The following SGCD variants were observed in gnomAD, a reference collection of about 807,000 sequenced individuals.
SGCD encodes sarcoglycan delta, also known as delta-sarcoglycan.
Under a neutral mutation model 36.6 loss-of-function variants are expected in SGCD, and 18 were observed. The ratio of observed to expected loss-of-function variants is 0.49; its 90% confidence interval spans 0.34 to 0.73. The LOEUF is 0.73. Ranked by LOEUF, SGCD falls within the 30% of genes least tolerant of loss-of-function variation. The pLI is 0.01. For synonymous variants in SGCD, 133 were observed against 130.6 expected, an observed-to-expected ratio of 1.02 and a Z score of -0.12; for missense variants, 387 against 346.7, an observed-to-expected ratio of 1.12 and a Z score of -0.92.
At chr5:156,397,752 A>C (rs1275734811) in intron 3 of SGCD, among the ~76,000 whole-genome samples, 1 of 152,230 alleles carries the variant, frequency 6.6e-6, no homozygotes, top group Admixed American at 6.5e-5. Flanking sequence ...AAAGCAGTAC[A>C]TAAGTCATTG....
chr5:156,653,049 C>A (rs1430912360), intron 7 of SGCD, among the ~76,000 whole-genome samples: 1 of 151,850 alleles, frequency 6.6e-6, no homozygotes, highest in East Asian at 1.9e-4. Flanking sequence ...TATTAACCTG[C>A]AGATTTCTTT....
At chr5:156,648,241 G>C (rs765299924) in intron 7 of SGCD, among the ~76,000 whole-genome samples, 2 of 145,178 alleles carry the variant, frequency 1.4e-5, no homozygotes, top group African/African-American at 2.5e-5. Context: ...CATCATAACT[G>C]TGATGAATTC....
At chr5:155,912,833 G>T (rs946747438) in intron 1 of SGCD, among the ~76,000 whole-genome samples, 1 of 151,044 alleles carries the variant, frequency 6.6e-6, no homozygotes, top group African/African-American at 2.4e-5. Context: ...TATATTTCTA[G>T]TTTTCTTATC....
chr5:156,478,286 T>A (rs929483126), intron 3 of SGCD, among the ~76,000 whole-genome samples: 2 of 152,072 alleles, frequency 1.3e-5, no homozygotes, highest in East Asian at 3.9e-4. Flanking sequence ...CAGCCAGGAG[T>A]TGAGCTCAGC....
chr5:155,884,673 A>T (rs984801837), intron 1 of SGCD, among the ~76,000 whole-genome samples: 1 of 152,196 alleles, frequency 6.6e-6, no homozygotes, highest in African/African-American at 2.4e-5. Flanking sequence ...GATAGGTATG[A>T]ACTCTAGACA....
At chr5:156,285,066 A>T (rs2127674848) in intron 3 of SGCD, among the ~76,000 whole-genome samples, 1 of 152,332 alleles carries the variant, frequency 6.6e-6, no homozygotes, top group South Asian at 2.1e-4. Context: ...GTGAACTCCC[A>T]TTCACAATTG....
chr5:156,296,312 C>T (rs766494705), intron 3 of SGCD, among the ~76,000 whole-genome samples: 5 of 152,134 alleles, frequency 3.3e-5, no homozygotes, highest in Admixed American at 6.6e-5. Context: ...GAACTAGAGA[C>T]GGTGTCAAAG....
At chr5:156,114,261 T>C (rs552299791) in intron 1 of SGCD, among the ~76,000 whole-genome samples, 6 of 152,192 alleles carry the variant, frequency 3.9e-5, no homozygotes, top group African/African-American at 1.4e-4. Context: ...ACAAGGGATA[T>C]ATATGCAAGC....
intron 7 of SGCD, among the ~76,000 whole-genome samples, chr5:156,755,198 A>T (rs1290200752): frequency 6.6e-6 from 1 of 152,166 alleles, no homozygotes; most frequent in Non-Finnish European, 1.5e-5. Flanking sequence ...AAAACGGAGA[A>T]GTTCTGAGTT....
At chr5:156,576,252 A>T (rs1282466992) in intron 4 of SGCD, among the ~76,000 whole-genome samples, 2 of 151,960 alleles carry the variant, frequency 1.3e-5, no homozygotes, top group African/African-American at 4.8e-5. Flanking sequence ...AAGGACGTGA[A>T]CTCATTCTTT....
At chr5:156,577,386 G>A (rs1305602163) in intron 4 of SGCD, among the ~76,000 whole-genome samples, 1 of 152,156 alleles carries the variant, frequency 6.6e-6, no homozygotes, top group East Asian at 1.9e-4. Flanking sequence ...GCTTAGGATT[G>A]TCTTGGCAAT....
chr5:156,748,092 G>A (rs1757012562), intron 7 of SGCD, among the ~76,000 whole-genome samples: 1 of 152,168 alleles, frequency 6.6e-6, no homozygotes, highest in Non-Finnish European at 1.5e-5. Flanking sequence ...GAGCCACACG[G>A]AAGAATCTCT....
intron 1 of SGCD, among the ~76,000 whole-genome samples, chr5:156,070,917 A>C (rs531032948): frequency 6.6e-6 from 1 of 152,138 alleles, no homozygotes. Context: ...GTTTATTTGC[A>C]TAGAGGTGTT....
At chr5:155,894,122 C>T (rs1012232865) in intron 1 of SGCD, among the ~76,000 whole-genome samples, 1 of 152,150 alleles carries the variant, frequency 6.6e-6, no homozygotes, top group African/African-American at 2.4e-5. Flanking sequence ...ATACTGTACA[C>T]TACTGTAGAC....
intron 1 of SGCD, among the ~76,000 whole-genome samples, chr5:155,972,512 T>G (rs1758026569): frequency 6.6e-6 from 1 of 152,300 alleles, no homozygotes; most frequent in Non-Finnish European, 1.5e-5. Context: ...GTCAAACCTT[T>G]AATAATAGCC....
intron 4 of SGCD, among the ~76,000 whole-genome samples, chr5:156,515,017 C>T (rs977542500): frequency 6.6e-6 from 1 of 152,114 alleles, no homozygotes; most frequent in Non-Finnish European, 1.5e-5. Context: ...GTTTGGACTT[C>T]CTCTGAATCA....
At chr5:155,746,320 G>A in the SGCD span, among the ~76,000 whole-genome samples, 1 of 152,016 alleles carries the variant, frequency 6.6e-6, no homozygotes, top group East Asian at 1.9e-4. Context: ...GCAAGCAAAA[G>A]GTTTATTAAG....
intron 7 of SGCD, among the ~76,000 whole-genome samples, chr5:156,665,180 C>T (rs961192171): frequency 6.6e-6 from 1 of 152,206 alleles, no homozygotes; most frequent in Non-Finnish European, 1.5e-5. Flanking sequence ...TTTTCTTTAA[C>T]CTGCTTTTGA....
chr5:156,296,820 T>G (rs1766904108), intron 3 of SGCD, among the ~76,000 whole-genome samples: 1 of 152,104 alleles, frequency 6.6e-6, no homozygotes, highest in African/African-American at 2.4e-5. Flanking sequence ...ATTATCTTCT[T>G]TCTGGTTCTG....
Sources: allele counts gnomAD v4.1 joint callset (sites outside exome capture counted in the v4.1 genomes callset), GRCh38; gene constraint gnomAD v4.1.1; transcripts MANE v1.5; gene names NCBI Gene and HGNC (gene_info 2026-07-23, HGNC 2026-07-21).